Variants in KCNH8 observed in about 807,000 individuals in gnomAD.
The protein encoded by KCNH8 is voltage-gated delayed rectifier potassium channel KCNH8.
KCNH8 carries 70 observed loss-of-function variants against 103.6 expected under a neutral mutation model. That is an observed-to-expected ratio of 0.68 (90% CI 0.56 to 0.82). The LOEUF (loss-of-function observed/expected upper bound fraction) is 0.82. Ranked by LOEUF, KCNH8 falls within the 40% of genes least tolerant of loss-of-function variation. KCNH8 has a pLI of 0.00. For missense variants in KCNH8, 1,217 were observed against 1,329.9 expected (o/e 0.92, Z 1.32); for synonymous variants, 498 against 489.4 (o/e 1.02, Z -0.23).
chr3:19,281,145 G>T (rs955728697), intron 2 of KCNH8, 53 bp from the exon 3 acceptor site: 3 of 1,572,362 alleles, frequency 1.9e-6, no homozygotes, highest in Non-Finnish European at 2.6e-6. Context: ...GATTTCCATA[G>T]AGATAACACA....
At chr3:19,476,429 A>G (rs1479837017) in intron 11 of KCNH8, among the ~76,000 whole-genome samples, 1 of 152,032 alleles carries the variant, frequency 6.6e-6, no homozygotes, top group African/African-American at 2.4e-5. Context: ...CTGGTTTGAA[A>G]CCTAAATACT....
chr3:19,393,822 T>C (rs974498359), intron 6 of KCNH8, among the ~76,000 whole-genome samples: 1 of 152,072 alleles, frequency 6.6e-6, no homozygotes, highest in Non-Finnish European at 1.5e-5. Context: ...GTATTTGATA[T>C]AGAATAATTC....
chr3:19,211,228 C>T (rs1409268149), intron 1 of KCNH8, among the ~76,000 whole-genome samples: 1 of 152,062 alleles, frequency 6.6e-6, no homozygotes, highest in East Asian at 1.9e-4. Context: ...AATGCAAGAG[C>T]AATATGTGAG....
intron 3 of KCNH8, among the ~76,000 whole-genome samples, chr3:19,307,759 G>C (rs1225477055): frequency 5.9e-5 from 9 of 151,890 alleles, no homozygotes; most frequent in Non-Finnish European, 1.3e-4. Context: ...AACGTGGTTG[G>C]AACTGAAAGA....
At position 19,456,787 on chromosome 3, in the gene KCNH8, A is replaced by G. The variant is rs2067539401; in HGVS notation, c.1845A>G (p.Gly615=). The stretch of plus-strand genomic sequence containing the variant: ...TTCTAGGGAAAGGGGATTTAATTGG[A>G]GCAAATCTATCAATTAAGGACCAAG... ...LAILGKGDLI[G]ANLSIKDQVI... Residue 615 remains glycine (G), a synonymous_variant, in exon 11 of 16, where the codon GGA becomes GGG. Transcript: ENST00000328405. The G allele has an allele frequency of 6.2e-7, 1 of 1,608,422 alleles. No homozygotes were observed. Among genetic ancestry groups the G allele is most frequent in the Non-Finnish European group, 8.5e-7 (1 of 1,175,998 alleles).
At chr3:19,155,298 T>C (rs545248233) in intron 1 of KCNH8, among the ~76,000 whole-genome samples, 1 of 152,298 alleles carries the variant, frequency 6.6e-6, no homozygotes, top group Admixed American at 6.5e-5. Flanking sequence ...TTTTTAATAT[T>C]TTACTGCAGA....
intron 7 of KCNH8, among the ~76,000 whole-genome samples, chr3:19,414,736 C>T (rs912257073): frequency 1.3e-5 from 2 of 151,994 alleles, no homozygotes; most frequent in South Asian, 2.1e-4. Flanking sequence ...GTGCTTAATA[C>T]ATTCTTGTAC....
intron 11 of KCNH8, among the ~76,000 whole-genome samples, chr3:19,495,926 G>C (rs963503791): frequency 2.0e-5 from 3 of 152,050 alleles, no homozygotes; most frequent in African/African-American, 7.2e-5. Context: ...ACTCTGGTTA[G>C]CTGTATTCCT....
In KCNH8 at chr3:19,440,316, T is replaced by C. The variant is rs183632877; in HGVS notation, c.1375+1955T>C. Reference sequence around the variant, plus strand: ...AAAATAACAGGCTTGATTCAACCATTTATGTATTCAAATATTGTATTAGTT... The same window carrying C: ...AAAATAACAGGCTTGATTCAACCATCTATGTATTCAAATATTGTATTAGTT... On this transcript the variant is annotated intron_variant, in intron 8 of 15. Coordinates refer to ENST00000328405, the MANE Select transcript of KCNH8 (RefSeq NM_144633.3). 4.1e-3 allele frequency among the ~76,000 whole-genome samples: 629 copies of C among 152,252 alleles called. 5 individuals are homozygous for C. The highest frequency in any genetic ancestry group is 0.018 in the South Asian group (85 of 4,822).
chr3:19,352,748 A>G (rs1239505136), intron 5 of KCNH8, among the ~76,000 whole-genome samples: 1 of 152,202 alleles, frequency 6.6e-6, no homozygotes, highest in Non-Finnish European at 1.5e-5. Context: ...GTAGAGGGAA[A>G]TTTATAGCAC....
chr3:19,401,340 C>T (rs1273247573), intron 7 of KCNH8, among the ~76,000 whole-genome samples: 1 of 151,982 alleles, frequency 6.6e-6, no homozygotes, highest in Non-Finnish European at 1.5e-5. Context: ...TATCCTTTTC[C>T]ACCGTCCTAT....
At chr3:19,254,035 A>T in intron 2 of KCNH8, 148 bp downstream of exon 2, 1 of 623,316 alleles carries the variant, frequency 1.6e-6, no homozygotes, top group Non-Finnish European at 2.8e-6. Flanking sequence ...GACTTGGATG[A>T]TAGCCTTGTT....
At chr3:19,283,786 T>C (rs1009505917) in intron 3 of KCNH8, among the ~76,000 whole-genome samples, 1 of 150,812 alleles carries the variant, frequency 6.6e-6, no homozygotes, top group East Asian at 1.9e-4. Context: ...AAAAAATAAA[T>C]TAAAAATTAG....
intron 1 of KCNH8, among the ~76,000 whole-genome samples, chr3:19,193,833 G>A (rs1395915564): frequency 6.6e-6 from 1 of 151,642 alleles, no homozygotes; most frequent in East Asian, 1.9e-4. Flanking sequence ...TTAAGTATTA[G>A]CACTTCTCTC....
intron 1 of KCNH8, among the ~76,000 whole-genome samples, chr3:19,223,947 G>A (rs983805196): frequency 2.6e-5 from 4 of 152,112 alleles, no homozygotes; most frequent in Non-Finnish European, 4.4e-5. Context: ...AGGGAAAGAT[G>A]TAAAATAAGT....
chr3:19,384,759 C>T (rs2066334423), intron 5 of KCNH8, among the ~76,000 whole-genome samples: 1 of 152,092 alleles, frequency 6.6e-6, no homozygotes, highest in African/African-American at 2.4e-5. Context: ...CTGGCCAGAC[C>T]ACTTCTGGGA....
At chr3:19,223,964 A>G (rs1196842067) in intron 1 of KCNH8, among the ~76,000 whole-genome samples, 1 of 152,178 alleles carries the variant, frequency 6.6e-6, no homozygotes, top group East Asian at 1.9e-4. Context: ...AAGTTATTTG[A>G]AATCATATTT....
chr3:19,405,933 A>G (rs2066684790), intron 7 of KCNH8, among the ~76,000 whole-genome samples: 1 of 152,056 alleles, frequency 6.6e-6, no homozygotes, highest in African/African-American at 2.4e-5. Flanking sequence ...TGATATTTGC[A>G]TTAAAGTATA....
At chr3:19,308,105 G>C (rs554285151) in intron 3 of KCNH8, among the ~76,000 whole-genome samples, 7 of 151,258 alleles carry the variant, frequency 4.6e-5, no homozygotes, top group African/African-American at 1.7e-4. Context: ...ATGCTACTCT[G>C]ATCTGATTGC....
Sources: gnomAD v4.1 joint callset for allele counts (sites outside exome capture counted in the v4.1 genomes callset) on GRCh38, gnomAD v4.1.1 for gene constraint, MANE v1.5 for transcripts, NCBI Gene and HGNC (gene_info 2026-07-23, HGNC 2026-07-21) for gene names.